The following PLXDC2 variants were observed in gnomAD, a reference collection of about 807,000 sequenced individuals.
PLXDC2 encodes plexin domain-containing protein 2.
A neutral mutation model predicts 68.9 loss-of-function variants in PLXDC2; 40 were observed. That is an observed-to-expected ratio of 0.58 (90% CI 0.45 to 0.76). PLXDC2 has a LOEUF of 0.76. Among genes scored for constraint, PLXDC2 ranks in the 30% least tolerant of loss-of-function variants. The pLI is 0.00. For missense variants in PLXDC2, 644 were observed against 661.9 expected, an observed-to-expected ratio of 0.97 and a Z score of 0.30; for synonymous variants, 243 against 234.2, an observed-to-expected ratio of 1.04 and a Z score of -0.34.
intron 13 of PLXDC2, among the ~76,000 whole-genome samples, chr10:20,278,304 C>T (rs1291798660): frequency 6.6e-6 from 1 of 152,124 alleles, no homozygotes; most frequent in African/African-American, 2.4e-5. Flanking sequence ...TCACTAAAAC[C>T]AGAGTTGGGG....
At chr10:20,002,537 G>T (rs1433296526) in intron 2 of PLXDC2, among the ~76,000 whole-genome samples, 1 of 152,150 alleles carries the variant, frequency 6.6e-6, no homozygotes. Context: ...GGGATTACAG[G>T]CATGAGCCAC....
intron 1 of PLXDC2, among the ~76,000 whole-genome samples, chr10:19,901,395 T>C (rs1290388452): frequency 6.6e-6 from 1 of 152,216 alleles, no homozygotes; most frequent in Admixed American, 6.5e-5. Flanking sequence ...GGTATTGCCT[T>C]GTGGTTTTGA....
chr10:19,868,925 A>G (rs1837478206), intron 1 of PLXDC2, among the ~76,000 whole-genome samples: 2 of 152,182 alleles, frequency 1.3e-5, no homozygotes. Context: ...TATTTCTTGT[A>G]AGTTTTTTGT....
intron 11 of PLXDC2, among the ~76,000 whole-genome samples, chr10:20,217,895 G>T (rs1313471283): frequency 1.3e-5 from 2 of 151,804 alleles, no homozygotes; most frequent in African/African-American, 4.8e-5. Flanking sequence ...GCTAAATTTT[G>T]TACTAAGCAA....
intron 1 of PLXDC2, among the ~76,000 whole-genome samples, chr10:19,883,770 T>C (rs1837783268): frequency 6.6e-6 from 1 of 151,996 alleles, no homozygotes; most frequent in South Asian, 2.1e-4. Flanking sequence ...TTAAATTCTA[T>C]GTGCCTTTCA....
chr10:19,891,233 C>T (rs1030900051), intron 1 of PLXDC2, among the ~76,000 whole-genome samples: 2 of 152,184 alleles, frequency 1.3e-5, no homozygotes, highest in Non-Finnish European at 1.5e-5. Context: ...TTTCTATTCT[C>T]TGGATAGTAA....
chr10:20,058,146 A>G (rs116359598), intron 3 of PLXDC2, among the ~76,000 whole-genome samples: 107 of 152,270 alleles, frequency 7.0e-4, no homozygotes, highest in African/African-American at 2.5e-3. Flanking sequence ...AATATTTTCT[A>G]ATTGGTACGT....
rs551722217 is a variant in PLXDC2, at chr10:20,003,017, A to G, written c.324+1031A>G. Among the ~76,000 whole-genome samples the G allele has an allele frequency of 2.0e-5, 3 of 152,230 alleles. No homozygotes were observed. The South Asian group carries it at 6.2e-4, about 32-fold the overall frequency. ...TATTATGGTTGGAGCTATGAAGCGG[A>G]GGGAGGAGAATGGTCAGAGAACAGT... On this transcript the variant is annotated intron_variant, in intron 2 of 13. Transcript: ENST00000377252.
chr10:20,061,230 A>G (rs190845917), intron 3 of PLXDC2, among the ~76,000 whole-genome samples: 9 of 152,262 alleles, frequency 5.9e-5, no homozygotes, highest in African/African-American at 2.2e-4. Context: ...CCAACCTAGG[A>G]CCCATATAGC....
chr10:20,014,169 T>C (rs1339369922), intron 2 of PLXDC2, among the ~76,000 whole-genome samples: 1 of 150,852 alleles, frequency 6.6e-6, no homozygotes, highest in Admixed American at 6.6e-5. Flanking sequence ...TTCAGAAGTC[T>C]TCCTTCCTTC....
intron 1 of PLXDC2, among the ~76,000 whole-genome samples, chr10:19,890,676 CTTTTTTTTTTT>C (rs56921191): frequency 2.5e-4 from 15 of 61,148 alleles, no homozygotes; most frequent in African/African-American, 8.4e-4. Context: ...CGCCCGGCTG[CTTTTTTTTTTT>C]TTTTTTTTTT....
In PLXDC2 at chr10:20,238,506, G is replaced by T. The variant is rs1588536294; in HGVS notation, c.1313-6839G>T. On this transcript the variant is annotated intron_variant, in intron 12 of 13. Transcript: ENST00000377252. ...TACTAAAAACACAAAAATTAGCCAG[G>T]CATGGCAGCCCATGCCTGTAGTCCC... 2.0e-5 allele frequency among the ~76,000 whole-genome samples: 3 copies of T among 150,090 alleles called. No homozygotes were observed. The South Asian group carries it at 6.3e-4, about 32-fold the overall frequency.
At chr10:19,954,477 T>C (rs1046961082) in intron 1 of PLXDC2, among the ~76,000 whole-genome samples, 2 of 152,224 alleles carry the variant, frequency 1.3e-5, no homozygotes, top group African/African-American at 2.4e-5. Context: ...TATTTGCACA[T>C]GATATCTGAT....
chr10:20,206,110 A>G (rs1321493215), intron 9 of PLXDC2, among the ~76,000 whole-genome samples: 4 of 152,136 alleles, frequency 2.6e-5, no homozygotes, highest in African/African-American at 9.6e-5. Context: ...TTACATACAT[A>G]TATCATAATA....
At chr10:20,114,374 G>A (rs2131751797) in intron 4 of PLXDC2, among the ~76,000 whole-genome samples, 1 of 152,242 alleles carries the variant, frequency 6.6e-6, no homozygotes, top group East Asian at 1.9e-4. Flanking sequence ...AACATACTAA[G>A]CAGTCAATGA....
intron 3 of PLXDC2, among the ~76,000 whole-genome samples, chr10:20,052,932 A>G (rs1358471040): frequency 1.3e-5 from 2 of 152,034 alleles, no homozygotes; most frequent in Non-Finnish European, 2.9e-5. Flanking sequence ...TGTTTTACCT[A>G]GGAACATTTT....
At chr10:20,118,511 A>C (rs1833652035) in intron 4 of PLXDC2, among the ~76,000 whole-genome samples, 1 of 152,226 alleles carries the variant, frequency 6.6e-6, no homozygotes, top group Non-Finnish European at 1.5e-5. Context: ...CAAGGGACCA[A>C]TAGGACATGT....
At chr10:19,876,133 T>A (rs1454535497) in intron 1 of PLXDC2, among the ~76,000 whole-genome samples, 1 of 152,040 alleles carries the variant, frequency 6.6e-6, no homozygotes, top group Non-Finnish European at 1.5e-5. Flanking sequence ...ACACTATGGG[T>A]CTGGGAGAGT....
intron 12 of PLXDC2, among the ~76,000 whole-genome samples, chr10:20,224,634 G>T (rs1588528208): frequency 6.6e-6 from 1 of 152,116 alleles, no homozygotes; most frequent in Non-Finnish European, 1.5e-5. Context: ...TCTTCAACCA[G>T]ATTCAACTCA....
Sources: allele counts gnomAD v4.1 joint callset (sites outside exome capture counted in the v4.1 genomes callset), GRCh38; gene constraint gnomAD v4.1.1; transcripts MANE v1.5; gene names NCBI Gene and HGNC (gene_info 2026-07-23, HGNC 2026-07-21).